PDGFRL: variants seen among roughly 807,000 people sequenced by gnomAD.
PDGFRL encodes the protein platelet derived growth factor receptor like, also known as platelet-derived growth factor receptor-like protein.
In PDGFRL, 46 loss-of-function variants were observed where a neutral mutation model predicts 37.2. The ratio of observed to expected loss-of-function variants is 1.24; its 90% confidence interval spans 0.98 to 1.58. The LOEUF is 1.58. PDGFRL is among the 40% of genes most tolerant of loss of function. The pLI is 0.00. For missense variants in PDGFRL, 692 were observed against 467.6 expected (o/e 1.48, Z -4.43); for synonymous variants, 251 against 184.3 (o/e 1.36, Z -2.93).
At chr8:17,587,327 T>C (rs1803838882) in intron 1 of PDGFRL, among the ~76,000 whole-genome samples, 1 of 152,110 alleles carries the variant, frequency 6.6e-6, no homozygotes, top group Non-Finnish European at 1.5e-5. Context: ...ATACACAAGA[T>C]GTGATAGCTT....
chr8:17,628,478 C>T lies in PDGFRL; in HGVS notation c.506-9C>T, dbSNP rs1254188555. On this transcript the variant is annotated splice_polypyrimidine_tract_variant and intron_variant, in intron 3 of 5. Coordinates refer to ENST00000251630, the MANE Select transcript of PDGFRL (RefSeq NM_001372073.1). Reference sequence around the variant, plus strand: ...AGTGAATAAGCCTGTGTCTTCCTTCCCTTTGCAGAGAAAGGAGAACTCTTT... The same window carrying T: ...AGTGAATAAGCCTGTGTCTTCCTTCTCTTTGCAGAGAAAGGAGAACTCTTT... 6.2e-7 allele frequency: 1 copy of T among 1,611,212 alleles called. No individual in the cohort carries two copies. The highest frequency in any genetic ancestry group is 8.5e-7 in the Non-Finnish European group (1 of 1,177,498).
intron 5 of PDGFRL, among the ~76,000 whole-genome samples, chr8:17,638,075 T>A (rs1479429888): frequency 1.3e-5 from 2 of 152,188 alleles, no homozygotes. Context: ...TTATTTCTTT[T>A]GTTCTGCTAT....
intron 1 of PDGFRL, among the ~76,000 whole-genome samples, chr8:17,587,575 G>C (rs1427327130): frequency 6.6e-6 from 1 of 151,982 alleles, no homozygotes; most frequent in Admixed American, 6.6e-5. Flanking sequence ...AGAGAGTCTT[G>C]CTCTGTCACC....
chr8:17,631,210 T>A (rs1476846613), intron 4 of PDGFRL, among the ~76,000 whole-genome samples: 1 of 152,084 alleles, frequency 6.6e-6, no homozygotes, highest in Non-Finnish European at 1.5e-5. Flanking sequence ...TGAAGCACCC[T>A]CTTGCCAGCC....
chr8:17,607,574 A>G (rs1388764622), intron 2 of PDGFRL, among the ~76,000 whole-genome samples: 2 of 152,200 alleles, frequency 1.3e-5, no homozygotes, highest in African/African-American at 4.8e-5. Flanking sequence ...TAGGAATATC[A>G]CCAACTATGT....
In PDGFRL at chr8:17,593,630, C is replaced by T. The variant is rs185093692; in HGVS notation, c.353+3865C>T. Among the ~76,000 whole-genome samples, 6 of 151,582 alleles carry T rather than the reference C, an allele frequency of 4.0e-5. No individual in the cohort carries two copies. The East Asian group carries it at 1.2e-3, about 30-fold the overall frequency. On this transcript the variant is annotated intron_variant, in intron 2 of 5. Coordinates refer to ENST00000251630, the MANE Select transcript of PDGFRL (RefSeq NM_001372073.1). ...AAAAAAAATTCTTGGCATAGTGACT[C>T]ATGCCTGTAATCCCAGCACTTTGGG...
intron 1 of PDGFRL, among the ~76,000 whole-genome samples, chr8:17,588,602 G>A (rs1803867547): frequency 6.6e-6 from 1 of 152,176 alleles, no homozygotes; most frequent in Admixed American, 6.5e-5. Flanking sequence ...GAGCCCAGGA[G>A]TTCAAGGCTA....
intron 2 of PDGFRL, among the ~76,000 whole-genome samples, chr8:17,618,266 A>G (rs2283103): frequency 0.53 from 80,770 of 151,862 alleles, 22,096 homozygotes; most frequent in Middle Eastern, 0.65. Context: ...ATGTTGCCCA[A>G]TCTGGTCATG....
chr8:17,641,837 C>A (rs1805102436), intron 5 of PDGFRL, among the ~76,000 whole-genome samples: 1 of 147,974 alleles, frequency 6.8e-6, no homozygotes, highest in Non-Finnish European at 1.5e-5. Context: ...TGGTACCAGG[C>A]ACTTGATTAT....
At chr8:17,598,369 T>G (rs1804097180) in intron 2 of PDGFRL, among the ~76,000 whole-genome samples, 1 of 152,228 alleles carries the variant, frequency 6.6e-6, no homozygotes, top group Admixed American at 6.5e-5. Context: ...TCTTCCCTCC[T>G]GAAAGAATAA....
intron 1 of PDGFRL, among the ~76,000 whole-genome samples, chr8:17,587,836 C>G (rs902275504): frequency 6.6e-6 from 1 of 152,034 alleles, no homozygotes. Context: ...CGCCATGTTG[C>G]CCAGGCTGGT....
In PDGFRL at chr8:17,623,223, G is replaced by C. The variant is rs867577215; in HGVS notation, c.505+2021G>C. Among the ~76,000 whole-genome samples the C allele has an allele frequency of 1.7e-4, 26 of 152,328 alleles. No homozygotes were observed. In the Middle Eastern group the frequency reaches 0.01, roughly 60 times the overall value. ...CAGGATCCAGTGTTTTTACTGCCTT[G>C]AACCTTTTGTAGGACAAGGTGAAGG... On this transcript the variant is annotated intron_variant, in intron 3 of 5. Coordinates refer to ENST00000251630, the MANE Select transcript of PDGFRL (RefSeq NM_001372073.1).
At position 17,634,061 on chromosome 8, in the gene PDGFRL, T is replaced by G. The variant is rs375612455; in HGVS notation, c.800-13T>G. On this transcript the variant is annotated splice_polypyrimidine_tract_variant and intron_variant, in intron 4 of 5. Transcript: ENST00000251630. ...TCGGGGTCTCACTCTGCCTGTTTCG[T>G]GCTTGCTTCCAGTTCCCAGTGGCCC... The G allele has an allele frequency of 2.7e-5, 44 of 1,613,774 alleles. No individual in the cohort carries two copies. The African/African-American group carries it at 5.5e-4, about 20-fold the overall frequency.
intron 1 of PDGFRL, among the ~76,000 whole-genome samples, chr8:17,578,432 A>C (rs374607046): frequency 8.5e-5 from 13 of 152,214 alleles, no homozygotes; most frequent in South Asian, 4.1e-4. Context: ...AGGGTCCTTC[A>C]GCCTAGAGCT....
chr8:17,635,135 T>C (rs1804946378), intron 5 of PDGFRL, among the ~76,000 whole-genome samples: 1 of 152,192 alleles, frequency 6.6e-6, no homozygotes, highest in Non-Finnish European at 1.5e-5. Flanking sequence ...GTTTTTAATA[T>C]ATTTTGTCAT....
intron 1 of PDGFRL, among the ~76,000 whole-genome samples, chr8:17,589,127 C>G (rs1443398523): frequency 6.6e-6 from 1 of 152,086 alleles, no homozygotes; most frequent in Non-Finnish European, 1.5e-5. Flanking sequence ...CCTGTAATCC[C>G]AGCACTTTGG....
intron 1 of PDGFRL, among the ~76,000 whole-genome samples, chr8:17,581,250 C>G: frequency 6.6e-6 from 1 of 152,098 alleles, no homozygotes; most frequent in Non-Finnish European, 1.5e-5. Flanking sequence ...TAGCTGACAG[C>G]AAAGCTGTGC....
chr8:17,641,696 G>A (rs1366845548), intron 5 of PDGFRL, among the ~76,000 whole-genome samples: 1 of 152,118 alleles, frequency 6.6e-6, no homozygotes, highest in Admixed American at 6.5e-5. Context: ...CTCCCAGCAC[G>A]GAATAATCCC....
At chr8:17,620,975 G>T in intron 2 of PDGFRL, 76 bp from the exon 3 acceptor site, 2 of 1,089,738 alleles carry the variant, frequency 1.8e-6, no homozygotes, top group South Asian at 1.8e-5. Flanking sequence ...CCAGAGAACA[G>T]TGGAGCCGAG....
Sources: allele counts gnomAD v4.1 joint callset (sites outside exome capture counted in the v4.1 genomes callset), GRCh38; gene constraint gnomAD v4.1.1; transcripts MANE v1.5; gene names NCBI Gene and HGNC (gene_info 2026-07-23, HGNC 2026-07-21).